APBB2: variants seen among roughly 807,000 people sequenced by gnomAD.
APBB2 encodes amyloid beta precursor protein binding family B member 2.
APBB2 carries 38 observed loss-of-function variants against 82.5 expected under a neutral mutation model. The observed-to-expected ratio is 0.46, with a 90% CI of 0.36 to 0.60. The LOEUF is 0.60. Among genes scored for constraint, APBB2 ranks in the 20% least tolerant of loss-of-function variants. The probability of loss-of-function intolerance (pLI) is 0.00; values close to 1 mark genes in which losing one functional copy is unlikely to be tolerated. For synonymous variants in APBB2, 341 were observed against 368.2 expected (o/e 0.93, Z 0.85); for missense variants, 772 against 972.3 (o/e 0.79, Z 2.74).
intron 6 of APBB2, among the ~76,000 whole-genome samples, chr4:41,013,109 T>A (rs1017977324): frequency 6.6e-6 from 1 of 152,180 alleles, no homozygotes; most frequent in Non-Finnish European, 1.5e-5. Flanking sequence ...AATGAACAGA[T>A]GGCTAATGTT....
intron 3 of APBB2, among the ~76,000 whole-genome samples, chr4:41,080,515 A>G (rs1208076982): frequency 6.6e-6 from 1 of 152,216 alleles, no homozygotes; most frequent in Non-Finnish European, 1.5e-5. Context: ...CAACAAGATC[A>G]TACAAACCCG....
intron 6 of APBB2, among the ~76,000 whole-genome samples, chr4:40,985,343 ATAAT>A (rs971441663): frequency 6.6e-6 from 1 of 152,204 alleles, no homozygotes; most frequent in African/African-American, 2.4e-5. Context: ...TTATTGAAAA[ATAAT>A]TAAACAACCC....
chr4:40,941,901 A>C (rs28609755), intron 7 of APBB2, among the ~76,000 whole-genome samples: 37,416 of 151,828 alleles, frequency 0.25, 4,721 homozygotes, highest in Admixed American at 0.29. Flanking sequence ...CCTCCCAAAG[A>C]GCTGGGATTA....
chr4:40,951,982 T>A (rs1322771658), intron 6 of APBB2, among the ~76,000 whole-genome samples: 2 of 150,710 alleles, frequency 1.3e-5, no homozygotes, highest in African/African-American at 4.9e-5. Context: ...AGGTCAGGAG[T>A]TTGAGACCAG....
intron 6 of APBB2, among the ~76,000 whole-genome samples, chr4:41,005,115 G>A (rs1255439736): frequency 2.0e-5 from 3 of 151,966 alleles, no homozygotes; most frequent in African/African-American, 7.3e-5. Context: ...GTTTTGACAT[G>A]GAGTCTCACT....
chr4:41,027,274 G>A (rs78865395), intron 5 of APBB2, among the ~76,000 whole-genome samples: 5,487 of 150,978 alleles, frequency 0.036, 190 homozygotes, highest in African/African-American at 0.094. Flanking sequence ...CAATTGTCTT[G>A]GGTGTGTACT....
At chr4:40,992,363 G>GT (rs975853600) in intron 6 of APBB2, among the ~76,000 whole-genome samples, 7 of 145,008 alleles carry the variant, frequency 4.8e-5, no homozygotes, top group Non-Finnish European at 9.1e-5. Context: ...GGTAGAGATG[G>GT]GGGGGGGTCT....
In APBB2 at chr4:41,115,707, T is replaced by C. The variant is rs925823149; in HGVS notation, c.-260-14957A>G. On this transcript the variant is annotated intron_variant, in intron 2 of 17. Coordinates refer to ENST00000508593, the MANE Select transcript of APBB2 (RefSeq NM_004307.2). ...AACATTTATGCAGCCAACAAACATA[T>C]GAAAAAATGCTCATCATCACTGGTC... Among the ~76,000 whole-genome samples the C allele has an allele frequency of 7.2e-5, 11 of 152,058 alleles. 1 individual carries two copies. The South Asian group carries it at 1.2e-3, about 17-fold the overall frequency.
At chr4:41,140,349 T>C (rs572586488) in intron 2 of APBB2, among the ~76,000 whole-genome samples, 2 of 152,378 alleles carry the variant, frequency 1.3e-5, no homozygotes, top group South Asian at 4.1e-4. Context: ...TCCCTTCTTT[T>C]AGACTCAAAA....
chr4:40,827,201 T>C lies in APBB2; in HGVS notation c.1663A>G (p.Asn555Asp), dbSNP rs1750232279. The C allele has an allele frequency of 1.2e-6, 2 of 1,614,216 alleles. No individual in the cohort carries two copies. The change falls in exon 14 of 18, where the codon AAT becomes GAT. Residue 555 changes from asparagine to aspartate, a missense_variant. Coordinates refer to ENST00000508593, the MANE Select transcript of APBB2 (RefSeq NM_004307.2). ...ICSKIMAERKNAKALACSSLQ... is the reference protein window; with the variant it reads ...ICSKIMAERKDAKALACSSLQ... Reference sequence around the variant, plus strand: ...GAGCTGCAGGCCAGCGCTTTGGCATTCTTCCGTTCAGCCATAATCTAAGGG... The same window carrying C: ...GAGCTGCAGGCCAGCGCTTTGGCATCCTTCCGTTCAGCCATAATCTAAGGG...
In APBB2 at chr4:41,014,304, G is replaced by A. The variant is rs1409800009; in HGVS notation, c.114C>T (p.Thr38=). 1.2e-6 allele frequency: 2 copies of A among 1,614,150 alleles called. No homozygotes were observed. Among genetic ancestry groups the A allele is most frequent in the African/African-American group, 1.3e-5 (1 of 75,026 alleles). The change falls in exon 6 of 18, where the codon ACC becomes ACT. Residue 38 remains threonine (T), a synonymous_variant. Transcript: ENST00000508593. ...NRNSPATPPN[T]LNLRSSHNEL... ...CATTGTGGGAGGATCGGAGGTTAAG[G>A]GTGTTTGGTGGTGTGGCTGGGCTGT...
chr4:41,132,512 G>A (rs781093060), intron 2 of APBB2, among the ~76,000 whole-genome samples: 17 of 152,172 alleles, frequency 1.1e-4, no homozygotes, highest in Non-Finnish European at 2.1e-4. Context: ...AGATTCTGGA[G>A]GCTTCCATGG....
chr4:40,924,207 G>GA (rs1358573627), intron 10 of APBB2, among the ~76,000 whole-genome samples: 3 of 152,216 alleles, frequency 2.0e-5, no homozygotes, highest in African/African-American at 4.8e-5. Flanking sequence ...ATGAGAGGCT[G>GA]AATCTCATTC....
chr4:41,163,124 C>A (rs1216706487), intron 1 of APBB2, among the ~76,000 whole-genome samples: 1 of 152,138 alleles, frequency 6.6e-6, no homozygotes, highest in Non-Finnish European at 1.5e-5. Flanking sequence ...CCAGATGGAG[C>A]AACATGCAAT....
At chr4:41,051,773 A>T (rs1315532222) in intron 4 of APBB2, among the ~76,000 whole-genome samples, 2 of 152,074 alleles carry the variant, frequency 1.3e-5, no homozygotes, top group Non-Finnish European at 2.9e-5. Context: ...CACCTTTATC[A>T]CCACCACATA....
intron 5 of APBB2, among the ~76,000 whole-genome samples, chr4:41,020,765 T>C (rs1001413806): frequency 6.6e-6 from 1 of 152,246 alleles, no homozygotes; most frequent in Non-Finnish European, 1.5e-5. Context: ...CAAGAAATAA[T>C]GAAACCTATC....
intron 1 of APBB2, among the ~76,000 whole-genome samples, chr4:41,158,655 G>A (rs996010194): frequency 6.6e-6 from 1 of 152,190 alleles, no homozygotes; most frequent in African/African-American, 2.4e-5. Flanking sequence ...GGTGTTGAGG[G>A]GTATCACTGC....
intron 6 of APBB2, among the ~76,000 whole-genome samples, chr4:40,992,117 A>G (rs1347242221): frequency 1.3e-5 from 2 of 152,182 alleles, no homozygotes; most frequent in Non-Finnish European, 2.9e-5. Flanking sequence ...CAACTTTTTG[A>G]AAGTGAAAAT....
chr4:40,962,651 T>C (rs968599003), intron 6 of APBB2, among the ~76,000 whole-genome samples: 8 of 151,942 alleles, frequency 5.3e-5, no homozygotes, highest in Non-Finnish European at 8.8e-5. Context: ...TTTTTTCCTA[T>C]CTCATTCTGA....
Sources: allele counts gnomAD v4.1 joint callset (sites outside exome capture counted in the v4.1 genomes callset), GRCh38; gene constraint gnomAD v4.1.1; transcripts MANE v1.5; gene names NCBI Gene and HGNC (gene_info 2026-07-23, HGNC 2026-07-21).